The following NUMB variants were observed in gnomAD, a reference collection of about 807,000 sequenced individuals.
NUMB encodes the protein NUMB endocytic adaptor protein, also known as protein numb homolog.
NUMB carries 29 observed loss-of-function variants against 59.7 expected under a neutral mutation model. The observed-to-expected ratio is 0.49, with a 90% confidence interval of 0.36 to 0.66. The LOEUF (loss-of-function observed/expected upper bound fraction) is 0.66. NUMB is among the 30% of genes least tolerant of loss of function. The pLI is 0.00. For missense variants in NUMB, 723 were observed against 822.0 expected (o/e 0.88, Z 1.47); for synonymous variants, 288 against 288.2 (o/e 1.00, Z 0.01).
At chr14:73,304,863 C>A (rs1462529454) in intron 6 of NUMB, among the ~76,000 whole-genome samples, 1 of 151,968 alleles carries the variant, frequency 6.6e-6, no homozygotes, top group Non-Finnish European at 1.5e-5. Flanking sequence ...TGCGTTCAAG[C>A]GATTCTCCTG....
At chr14:73,304,143 T>C (rs757783663) in intron 6 of NUMB, among the ~76,000 whole-genome samples, 1 of 152,080 alleles carries the variant, frequency 6.6e-6, no homozygotes, top group African/African-American at 2.4e-5. Context: ...TGAAGGAACA[T>C]AAAATGGAAA....
At chr14:73,306,242 G>C (rs1463472375) in intron 6 of NUMB, among the ~76,000 whole-genome samples, 5 of 152,192 alleles carry the variant, frequency 3.3e-5, no homozygotes, top group Non-Finnish European at 7.4e-5. Flanking sequence ...AGCATGTCAT[G>C]AACTACACAG....
intron 2 of NUMB, among the ~76,000 whole-genome samples, chr14:73,402,461 T>G (rs529705991): frequency 6.6e-6 from 1 of 152,318 alleles, no homozygotes; most frequent in African/African-American, 2.4e-5. Context: ...TATTACTATC[T>G]CAGAGAGATT....
chr14:73,279,150 A>G (rs957715474), intron 12 of NUMB, 131 bp downstream of exon 12: 2 of 989,644 alleles, frequency 2.0e-6, no homozygotes, highest in Admixed American at 2.2e-5. Context: ...TAAGCAACTT[A>G]TTTCTAGGAG....
chr14:73,381,493 A>T (rs1178770160), intron 2 of NUMB, among the ~76,000 whole-genome samples: 4 of 152,220 alleles, frequency 2.6e-5, no homozygotes, highest in Admixed American at 2.6e-4. Context: ...TCTAAGCCAT[A>T]CATAGTTCTA....
At chr14:73,399,415 T>G (rs1896299884) in intron 2 of NUMB, among the ~76,000 whole-genome samples, 1 of 151,968 alleles carries the variant, frequency 6.6e-6, no homozygotes, top group African/African-American at 2.4e-5. Context: ...AATACAAAAT[T>G]AGCCGGGTGT....
At position 73,407,049 on chromosome 14, in the gene NUMB, G is replaced by A. The variant is rs141560991; in HGVS notation, c.-101+2888C>T. 6.3e-4 allele frequency among the ~76,000 whole-genome samples: 95 copies of A among 151,948 alleles called. 1 individual carries two copies. The East Asian group carries it at 0.017, about 27-fold the overall frequency. On this transcript the variant is annotated intron_variant, in intron 2 of 12. Transcript: ENST00000555238. The stretch of plus-strand genomic sequence containing the variant: ...GTAGAGACGGGGTTTCACTATTTTG[G>A]CCAGGCTGGCCTCCAACTCCCGGCC...
chr14:73,438,730 T>C (rs888342486), intron 1 of NUMB, among the ~76,000 whole-genome samples: 5 of 151,320 alleles, frequency 3.3e-5, no homozygotes, highest in African/African-American at 7.3e-5. Context: ...AAATTATCTA[T>C]ATAGTAAAAT....
At chr14:73,317,985 T>C (rs1416457450) in intron 5 of NUMB, among the ~76,000 whole-genome samples, 2 of 152,194 alleles carry the variant, frequency 1.3e-5, no homozygotes, top group African/African-American at 2.4e-5. Context: ...CCTCTAAGCT[T>C]TGAAAATCAC....
chr14:73,278,882 C>T (rs559962095), intron 12 of NUMB, among the ~76,000 whole-genome samples: 2 of 152,072 alleles, frequency 1.3e-5, no homozygotes, highest in East Asian at 1.9e-4. Context: ...CGCATGCCAC[C>T]GCGCCTGGCT....
intron 4 of NUMB, among the ~76,000 whole-genome samples, chr14:73,351,543 T>C (rs182286644): frequency 6.6e-6 from 1 of 152,034 alleles, no homozygotes; most frequent in East Asian, 1.9e-4. Flanking sequence ...ACACAAAAAA[T>C]GCTTTTCTAA....
At chr14:73,371,791 T>C (rs867435396) in intron 2 of NUMB, among the ~76,000 whole-genome samples, 1 of 152,172 alleles carries the variant, frequency 6.6e-6, no homozygotes, top group East Asian at 1.9e-4. Flanking sequence ...AGACACTGTG[T>C]TCCTCTTCTC....
Position 73,276,719 on chromosome 14 carries a change from C to G in NUMB, c.1815G>C (p.Glu605Asp). Reference protein sequence around the residue: ...GRLASADRHTEVPTGTCPVDP... With the variant: ...GRLASADRHTDVPTGTCPVDP... ...CCACTGGGCAGGTGCCTGTAGGAAC[C>G]TCTGTATGCCTGTCTGCTGAGGCCA... Residue 605 changes from glutamate to aspartate, a missense_variant, in exon 13 of 13, where the codon GAG becomes GAC. By Grantham distance (45) the Glu-to-Asp change is conservative. Coordinates refer to ENST00000555238, the MANE Select transcript of NUMB (RefSeq NM_001005743.2). The G allele has an allele frequency of 6.2e-7, 1 of 1,614,208 alleles. No individual in the cohort carries two copies. Among genetic ancestry groups the G allele is most frequent in the Non-Finnish European group, 8.5e-7 (1 of 1,180,042 alleles).
intron 11 of NUMB, 70 bp from the exon 12 acceptor site, chr14:73,279,494 TGTCA>T (rs1888459770): frequency 7.6e-6 from 11 of 1,448,822 alleles, no homozygotes; most frequent in Admixed American, 4.8e-5. Context: ...CTTGGAGCTG[TGTCA>T]GTCAGGTGAA....
intron 2 of NUMB, among the ~76,000 whole-genome samples, chr14:73,401,860 C>T (rs978157051): frequency 6.6e-6 from 1 of 151,098 alleles, no homozygotes; most frequent in African/African-American, 2.4e-5. Context: ...TGAGCCACCA[C>T]ATCCGGCCTA....
chr14:73,421,182 G>T (rs7141139), intron 1 of NUMB, among the ~76,000 whole-genome samples: 114,283 of 151,422 alleles, frequency 0.75, 43,126 homozygotes, highest in East Asian at 0.86. Flanking sequence ...TGGTGTTTTT[G>T]TTTGTTTGTT....
intron 1 of NUMB, among the ~76,000 whole-genome samples, chr14:73,449,405 C>T (rs1883772745): frequency 6.6e-6 from 1 of 152,078 alleles, no homozygotes; most frequent in African/African-American, 2.4e-5. Context: ...TAATATAATA[C>T]CTAATACAAT....
chr14:73,283,478 G>A (rs1324115280), intron 10 of NUMB, among the ~76,000 whole-genome samples: 4 of 152,320 alleles, frequency 2.6e-5, no homozygotes, highest in Middle Eastern at 3.4e-3. Context: ...ATTTTATGAC[G>A]AGGATAGACC....
intron 2 of NUMB, among the ~76,000 whole-genome samples, chr14:73,384,326 T>C (rs1162886183): frequency 6.6e-6 from 1 of 151,956 alleles, no homozygotes; most frequent in Non-Finnish European, 1.5e-5. Flanking sequence ...CCTGACCTCA[T>C]GATCCACCCG....
Sources: gnomAD v4.1 joint callset for allele counts (sites outside exome capture counted in the v4.1 genomes callset) on GRCh38, gnomAD v4.1.1 for gene constraint, MANE v1.5 for transcripts, NCBI Gene and HGNC (gene_info 2026-07-23, HGNC 2026-07-21) for gene names.